The following PDZRN4 variants were observed in gnomAD, a reference collection of about 807,000 sequenced individuals.
PDZRN4 encodes the protein PDZ domain containing ring finger 4, also known as PDZ domain-containing RING finger protein 4.
PDZRN4 carries 70 observed loss-of-function variants against 99.0 expected under a neutral mutation model. The observed-to-expected ratio is 0.71, with a 90% CI of 0.58 to 0.86. The LOEUF is 0.86. PDZRN4 is among the 40% of genes least tolerant of loss of function. PDZRN4 has a pLI of 0.00. For missense variants in PDZRN4, 1,474 were observed against 1,331.2 expected, an observed-to-expected ratio of 1.11 and a Z score of -1.67; for synonymous variants, 551 against 501.6, an observed-to-expected ratio of 1.10 and a Z score of -1.32.
At chr12:41,240,891 A>G (rs1413605322) in intron 3 of PDZRN4, among the ~76,000 whole-genome samples, 4 of 152,182 alleles carry the variant, frequency 2.6e-5, no homozygotes, top group African/African-American at 9.7e-5. Context: ...GGATTTCAAC[A>G]TATGAATTTT....
intron 5 of PDZRN4, among the ~76,000 whole-genome samples, chr12:41,542,684 T>C (rs1938878724): frequency 1.3e-5 from 2 of 152,328 alleles, no homozygotes; most frequent in South Asian, 4.1e-4. Flanking sequence ...GCCTGGTTTC[T>C]ACTCTCAGCT....
intron 3 of PDZRN4, among the ~76,000 whole-genome samples, chr12:41,349,878 T>C (rs771010358): frequency 2.0e-5 from 3 of 151,924 alleles, no homozygotes; most frequent in Non-Finnish European, 2.9e-5. Flanking sequence ...ATAGGGAGTG[T>C]CCTTGAGCTA....
At chr12:41,276,937 G>T (rs2120874276) in intron 3 of PDZRN4, among the ~76,000 whole-genome samples, 1 of 152,256 alleles carries the variant, frequency 6.6e-6, no homozygotes, top group Admixed American at 6.5e-5. Flanking sequence ...GTTAGCTAGT[G>T]TGACAAATGT....
At chr12:41,440,706 T>G (rs1439776491) in intron 3 of PDZRN4, among the ~76,000 whole-genome samples, 1 of 152,154 alleles carries the variant, frequency 6.6e-6, no homozygotes, top group East Asian at 1.9e-4. Context: ...AGGGTTTGGG[T>G]GGACCCAGTA....
intron 3 of PDZRN4, among the ~76,000 whole-genome samples, chr12:41,378,361 G>A (rs1047340053): frequency 2.0e-5 from 3 of 152,042 alleles, no homozygotes; most frequent in Admixed American, 6.6e-5. Context: ...CTTTTAATGT[G>A]CTATTGAACT....
chr12:41,290,112 C>T (rs1447790975), intron 3 of PDZRN4, among the ~76,000 whole-genome samples: 1 of 152,270 alleles, frequency 6.6e-6, no homozygotes, highest in Non-Finnish European at 1.5e-5. Context: ...TTATTTGATG[C>T]TTGAGATCCA....
chr12:41,385,558 C>A (rs1019644284), intron 3 of PDZRN4, among the ~76,000 whole-genome samples: 1 of 152,098 alleles, frequency 6.6e-6, no homozygotes, highest in African/African-American at 2.4e-5. Flanking sequence ...TGCATATAAA[C>A]TAGAAAATAT....
At chr12:41,316,298 A>C in intron 3 of PDZRN4, among the ~76,000 whole-genome samples, 1 of 152,146 alleles carries the variant, frequency 6.6e-6, no homozygotes, top group East Asian at 1.9e-4. Flanking sequence ...GTTAAAATCA[A>C]GATAGGGAAG....
intron 5 of PDZRN4, among the ~76,000 whole-genome samples, chr12:41,543,278 ATTGGACTATAAGAATGCATCTC>A (rs1402279139): frequency 6.6e-6 from 1 of 152,168 alleles, no homozygotes; most frequent in Non-Finnish European, 1.5e-5. Context: ...TTAAATGACC[ATTGGACTATAAGAATGCATCTC>A]TTGAAAAAGC....
At chr12:41,268,691 T>C (rs1951295463) in intron 3 of PDZRN4, among the ~76,000 whole-genome samples, 1 of 152,194 alleles carries the variant, frequency 6.6e-6, no homozygotes, top group African/African-American at 2.4e-5. Context: ...ATTAAATACA[T>C]CATTCTTTTC....
chr12:41,523,711 A>C (rs1938527928), intron 5 of PDZRN4, among the ~76,000 whole-genome samples: 2 of 152,250 alleles, frequency 1.3e-5, no homozygotes, highest in South Asian at 4.1e-4. Context: ...GTGAAATTCC[A>C]GTATGGGACA....
intron 3 of PDZRN4, among the ~76,000 whole-genome samples, chr12:41,452,638 C>A (rs1359796875): frequency 2.0e-5 from 3 of 151,972 alleles, no homozygotes; most frequent in African/African-American, 7.3e-5. Flanking sequence ...CCCACAGAGT[C>A]AAACTCTTTA....
At chr12:41,252,363 G>A (rs1951176513) in intron 3 of PDZRN4, among the ~76,000 whole-genome samples, 1 of 152,088 alleles carries the variant, frequency 6.6e-6, no homozygotes, top group Non-Finnish European at 1.5e-5. Flanking sequence ...ACAACAAAAT[G>A]GAATGACCAC....
intron 3 of PDZRN4, among the ~76,000 whole-genome samples, chr12:41,273,402 C>T (rs1267220825): frequency 2.0e-5 from 3 of 151,868 alleles, no homozygotes; most frequent in Non-Finnish European, 4.4e-5. Context: ...AAATGCAGTT[C>T]CCCAGACGCT....
intron 3 of PDZRN4, chr12:41,478,068 C>T (rs1420683906): frequency 1.6e-6 from 1 of 614,084 alleles, no homozygotes; most frequent in Non-Finnish European, 2.9e-6. Context: ...TATATTTTAT[C>T]TCATAGGTAC....
intron 3 of PDZRN4, among the ~76,000 whole-genome samples, chr12:41,200,482 G>A (rs1950807669): frequency 6.6e-6 from 1 of 152,044 alleles, no homozygotes; most frequent in Non-Finnish European, 1.5e-5. Context: ...AAATTTCTAA[G>A]ACTTGAACTT....
intron 3 of PDZRN4, among the ~76,000 whole-genome samples, chr12:41,396,102 T>C (rs1487900909): frequency 2.0e-5 from 3 of 152,144 alleles, no homozygotes; most frequent in Non-Finnish European, 4.4e-5. Context: ...AGAAAGCGAC[T>C]TTGATGATTT....
chr12:41,436,192 G>A (rs1952627712), intron 3 of PDZRN4, among the ~76,000 whole-genome samples: 1 of 152,156 alleles, frequency 6.6e-6, no homozygotes, highest in Non-Finnish European at 1.5e-5. Context: ...TCCCAATTAT[G>A]ATGCCACTTT....
chr12:41,572,032 T>C (rs753871038), intron 9 of PDZRN4, among the ~76,000 whole-genome samples: 1 of 152,228 alleles, frequency 6.6e-6, no homozygotes, highest in East Asian at 1.9e-4. Context: ...CAGAAATTCA[T>C]ACAGTCACTT....
Sources: gnomAD v4.1 joint callset for allele counts (sites outside exome capture counted in the v4.1 genomes callset) on GRCh38, gnomAD v4.1.1 for gene constraint, MANE v1.5 for transcripts, NCBI Gene and HGNC (gene_info 2026-07-23, HGNC 2026-07-21) for gene names.